The following DHODH variants were observed in gnomAD, a reference collection of about 807,000 sequenced individuals.
DHODH encodes the protein dihydroorotate dehydrogenase (quinone), mitochondrial.
A neutral mutation model predicts 39.7 loss-of-function variants in DHODH; 30 were observed. The ratio of observed to expected loss-of-function variants is 0.76; its 90% CI spans 0.57 to 1.02. The LOEUF (loss-of-function observed/expected upper bound fraction) is 1.02. Ranked by LOEUF, DHODH falls within the 50% of genes least tolerant of loss-of-function variation. DHODH has a pLI of 0.00. For missense variants in DHODH, 531 were observed against 520.8 expected (o/e 1.02, Z -0.19); for synonymous variants, 222 against 213.8 (o/e 1.04, Z -0.34).
chr16:72,014,200 A>G (rs2041114342), intron 2 of DHODH, among the ~76,000 whole-genome samples: 1 of 152,176 alleles, frequency 6.6e-6, no homozygotes, highest in Non-Finnish European at 1.5e-5. Context: ...CACGGTGGAA[A>G]CACCATTTCT....
chr16:72,023,413 G>T (rs2041244062), intron 7 of DHODH, 61 bp from the exon 8 acceptor site: 8 of 1,613,940 alleles, frequency 5.0e-6, no homozygotes, highest in Non-Finnish European at 6.8e-6. Context: ...TCTTGATTGT[G>T]GGGGACTCTG....
chr16:72,009,379 TG>T (rs1437059265), intron 1 of DHODH, among the ~76,000 whole-genome samples: 4 of 149,542 alleles, frequency 2.7e-5, no homozygotes, highest in African/African-American at 9.8e-5. Flanking sequence ...GGCGGGCGCC[TG>T]TAGTCCCAGC....
intron 2 of DHODH, among the ~76,000 whole-genome samples, chr16:72,013,160 T>G (rs2041103295): frequency 6.8e-6 from 1 of 146,888 alleles, no homozygotes; most frequent in Non-Finnish European, 1.5e-5. Context: ...TACCTTAGAC[T>G]CCTCTTCACT....
Position 72,021,243 on chromosome 16 carries a change from T to C in DHODH, c.637T>C (p.Ser213Pro). ...PLADYLVVNV[S>P]SPNTAGLRSL... ...GGCCGACTACCTGGTGGTGAATGTG[T>C]CCAGCCCCAACACTGCCGGGCTGCG... The change falls in exon 5 of 9, where the codon TCC (serine) becomes CCC (proline). Residue 213 changes from serine (S) to proline (P), a missense_variant. By Grantham distance (74) the Ser-to-Pro change is moderately conservative. Coordinates refer to ENST00000219240, the MANE Select transcript of DHODH (RefSeq NM_001361.5). The C allele has an allele frequency of 1.2e-6, 2 of 1,612,998 alleles. No individual in the cohort carries two copies. Among genetic ancestry groups the C allele is most frequent in the Non-Finnish European group, 1.7e-6 (2 of 1,179,702 alleles).
rs2041239803 is a variant in DHODH, at chr16:72,023,167, G to A, written c.822G>A (p.Leu274=). The A allele has an allele frequency of 8.7e-6, 14 of 1,614,012 alleles. No individual in the cohort carries two copies. Among genetic ancestry groups the A allele is most frequent in the South Asian group, 2.2e-5 (2 of 91,080 alleles). The stretch of plus-strand genomic sequence containing the variant: ...TTTTTCTCTATCTCGCACTGCAGTT[G>A]GGCATCGATGGGCTGATTGTTACGA... ...KEDIASVVKE[L]GIDGLIVTNT... The change falls in exon 7 of 9, where the codon TTG becomes TTA. Residue 274 remains leucine (L), a splice_region_variant and synonymous_variant. Transcript: ENST00000219240.
rs751210055 is a variant in DHODH, at chr16:72,024,229, G to A, written c.*30G>A. ...AGCGTCTGACGGGAAGCCTGATCTG[G>A]AACCTTCCCAAGGACTCAGGCAAGC... On this transcript the variant is annotated 3_prime_UTR_variant, in exon 9 of 9. Transcript: ENST00000219240. The A allele has an allele frequency of 6.2e-7, 1 of 1,613,100 alleles. No individual in the cohort carries two copies. The highest frequency in any genetic ancestry group is 8.5e-7 in the Non-Finnish European group (1 of 1,179,218).
intron 1 of DHODH, among the ~76,000 whole-genome samples, chr16:72,010,027 C>T (rs1417098186): frequency 6.6e-6 from 1 of 152,234 alleles, no homozygotes; most frequent in African/African-American, 2.4e-5. Flanking sequence ...GGATTACAGG[C>T]GTGGGCTACC....
In DHODH at chr16:72,014,628, A is replaced by G; in HGVS notation, c.390A>G (p.Arg130=). Residue 130 remains arginine (R), a synonymous_variant, in exon 3 of 9, where the codon AGA becomes AGG. Transcript: ENST00000219240. ...CAAAACCTCAGGAAGGAAACCCTAGACCCAGAGTCTTCCGCCTCCCTGAGG... is the reference window on the plus strand; with the variant it reads ...CAAAACCTCAGGAAGGAAACCCTAGGCCCAGAGTCTTCCGCCTCCCTGAGG... The part of the protein sequence containing the change: ...VTPKPQEGNP[R]PRVFRLPEDQ... 6.2e-7 allele frequency: 1 copy of G among 1,614,138 alleles called. No homozygotes were observed. Among genetic ancestry groups the G allele is most frequent in the Non-Finnish European group, 8.5e-7 (1 of 1,180,018 alleles).
Position 72,021,003 on chromosome 16 carries a change from C to G in DHODH, c.518-121C>G. On this transcript the variant is annotated intron_variant, in intron 4 of 8. Transcript: ENST00000219240. ...TGAGCACCTGTCAGCCGGTGTCGGG[C>G]AGGTCAGGTTTGGAGGGAAGGCCTG... 6 of 1,009,344 alleles carry G rather than the reference C, an allele frequency of 5.9e-6. No individual in the cohort carries two copies. The South Asian group carries it at 9.7e-5, about 16-fold the overall frequency. 62.5% of individuals were successfully genotyped at this position (1,009,344 alleles called of 1,614,324 possible). A position where few individuals can be genotyped will look rare whatever the true frequency, so the allele number is the denominator to read the frequency against.
In DHODH at chr16:72,023,525, T is replaced by G; in HGVS notation, c.1025T>G (p.Leu342Arg). 2 of 1,614,114 alleles carry G rather than the reference T, an allele frequency of 1.2e-6. No individual in the cohort carries two copies. ...GGTGTGAGCAGCGGGCAGGACGCGC[T>G]GGAGAAGATCCGGGCAGGGGCCTCC... ...VGGVSSGQDA[L>R]EKIRAGASLV... Residue 342 changes from leucine to arginine, a missense_variant, in exon 8 of 9, where the codon CTG becomes CGG. Transcript: ENST00000219240.
At chr16:72,012,766 C>T (rs2041098500) in intron 2 of DHODH, among the ~76,000 whole-genome samples, 1 of 152,214 alleles carries the variant, frequency 6.6e-6, no homozygotes, top group African/African-American at 2.4e-5. Context: ...CTCACTCAGC[C>T]ACGTGTTCAG....
chr16:72,021,207 C>T lies in DHODH; in HGVS notation c.601C>T (p.Leu201=). The T allele has an allele frequency of 6.2e-7, 1 of 1,611,434 alleles. No individual in the cohort carries two copies. The highest frequency in any genetic ancestry group is 2.2e-5 in the East Asian group (1 of 44,748). Residue 201 remains leucine (L), a synonymous_variant, in exon 5 of 9, where the codon CTG becomes TTG. Coordinates refer to ENST00000219240, the MANE Select transcript of DHODH (RefSeq NM_001361.5). The stretch of plus-strand genomic sequence containing the variant: ...GGACTACGCAGAAGGGGTGCGCGTA[C>T]TGGGCCCCCTGGCCGACTACCTGGT... ...AEDYAEGVRV[L]GPLADYLVVN...
chr16:72,011,811 A>G (rs1207429420), intron 1 of DHODH, among the ~76,000 whole-genome samples: 1 of 152,184 alleles, frequency 6.6e-6, no homozygotes, highest in African/African-American at 2.4e-5. Context: ...AGGGGACAGT[A>G]CTGTCCCTCT....
At position 72,012,089 on chromosome 16, in the gene DHODH, G is replaced by A. The variant is rs1255744917; in HGVS notation, c.61G>A (p.Gly21Arg). The A allele has an allele frequency of 2.5e-6, 4 of 1,614,140 alleles. No individual in the cohort carries two copies. Among genetic ancestry groups the A allele is most frequent in the Non-Finnish European group, 2.5e-6 (3 of 1,180,020 alleles). ...TGCTGTGATCATCCTGGGGGGAGGA[G>A]GACTTCTCTTCGCCTCCTACCTGAT... ...QDAVIILGGGGLLFASYLMAT... is the reference protein window; with the variant it reads ...QDAVIILGGGRLLFASYLMAT... Residue 21 changes from glycine to arginine, a missense_variant, in exon 2 of 9, where the codon GGA (glycine) becomes AGA (arginine). Coordinates refer to ENST00000219240, the MANE Select transcript of DHODH (RefSeq NM_001361.5).
chr16:72,017,941 T>G lies in DHODH; in HGVS notation c.517+835T>G, dbSNP rs542415763. 2.6e-5 allele frequency among the ~76,000 whole-genome samples: 4 copies of G among 152,060 alleles called. No homozygotes were observed. In the East Asian group the frequency reaches 7.7e-4, roughly 29 times the overall value. ...CACCCGCCGCCACACCCAGCTAATT[T>G]CTTTTTGTATTTTTAGTAGAGACGG... On this transcript the variant is annotated intron_variant, in intron 4 of 8. Transcript: ENST00000219240.
In DHODH at chr16:72,025,721, A is replaced by G. The variant is rs2041270843; in HGVS notation, c.*1522A>G. The G allele has an allele frequency of 6.6e-6, 1 of 152,386 alleles. No homozygotes were observed. Among genetic ancestry groups the G allele is most frequent in the Non-Finnish European group, 1.5e-5 (1 of 68,162 alleles). The allele number at this position is 152,386 out of a possible 1,614,324, so 9.4% of individuals were successfully genotyped here. A position where few individuals can be genotyped will look rare whatever the true frequency, so the allele number is the denominator to read the frequency against. ...CCCATTTCCCACCGTGGAGACAGCA[A>G]CAGAGGGGACATCCCCAGCTCCTCT... On this transcript the variant is annotated 3_prime_UTR_variant, in exon 9 of 9. Transcript: ENST00000219240.
intron 1 of DHODH, among the ~76,000 whole-genome samples, chr16:72,009,817 T>C (rs2041063847): frequency 6.6e-6 from 1 of 152,156 alleles, no homozygotes; most frequent in African/African-American, 2.4e-5. Context: ...AGTTTCACCA[T>C]GTTGGTCAGG....
At chr16:72,018,255 C>A (rs1214728027) in intron 4 of DHODH, among the ~76,000 whole-genome samples, 1 of 152,106 alleles carries the variant, frequency 6.6e-6, no homozygotes, top group African/African-American at 2.4e-5. Flanking sequence ...TCTTTGGGTC[C>A]CTCTGAAACT....
In DHODH at chr16:72,016,991, A is replaced by T. The variant is rs2041148559; in HGVS notation, c.435-33A>T. The T allele has an allele frequency of 3.1e-6, 5 of 1,604,764 alleles. No individual in the cohort carries two copies. The East Asian group carries it at 1.1e-4, about 36-fold the overall frequency. ...TGGGAAGTGGCTATGGTGCCGTCTC[A>T]CTCTGCCCCTCCCGTGTGCTTGTGC... On this transcript the variant is annotated intron_variant, in intron 3 of 8. Coordinates refer to ENST00000219240, the MANE Select transcript of DHODH (RefSeq NM_001361.5).
Sources: gnomAD v4.1 joint callset for allele counts (sites outside exome capture counted in the v4.1 genomes callset) on GRCh38, gnomAD v4.1.1 for gene constraint, MANE v1.5 for transcripts, NCBI Gene and HGNC (gene_info 2026-07-23, HGNC 2026-07-21) for gene names.